COL9A3: variants seen among roughly 807,000 people sequenced by gnomAD.
The protein encoded by COL9A3 is collagen alpha-3(IX) chain.
Under a neutral mutation model 110.2 loss-of-function variants are expected in COL9A3, and 82 were observed. The observed-to-expected ratio is 0.74, with a 90% CI of 0.62 to 0.89. COL9A3 has a LOEUF of 0.89. COL9A3 is among the 40% of genes least tolerant of loss of function. COL9A3 has a pLI of 0.00. For missense variants in COL9A3, 1,066 were observed against 981.3 expected, an observed-to-expected ratio of 1.09 and a Z score of -1.15; for synonymous variants, 494 against 403.8, an observed-to-expected ratio of 1.22 and a Z score of -2.68.
chr20:62,836,172 T>C lies in COL9A3; in HGVS notation c.1402-15T>C, dbSNP rs754189764. ...TGGGCTCGCCCCTGACCCACCTTCCTCTGTTCCTCTGCAGTCTGGCAGTCG... is the reference window on the plus strand; with the variant it reads ...TGGGCTCGCCCCTGACCCACCTTCCCCTGTTCCTCTGCAGTCTGGCAGTCG... On this transcript the variant is annotated splice_polypyrimidine_tract_variant and intron_variant, in intron 27 of 31. Coordinates refer to ENST00000649368, the MANE Select transcript of COL9A3 (RefSeq NM_001853.4). 7 of 1,612,518 alleles carry C rather than the reference T, an allele frequency of 4.3e-6. No homozygotes were observed. The highest frequency in any genetic ancestry group is 5.9e-6 in the Non-Finnish European group (7 of 1,179,794).
At position 62,829,662 on chromosome 20, in the gene COL9A3, C is replaced by G. The variant is rs376007941; in HGVS notation, c.1088C>G (p.Ser363Cys). 1.2e-6 allele frequency: 2 copies of G among 1,609,524 alleles called. No individual in the cohort carries two copies. Among genetic ancestry groups the G allele is most frequent in the African/African-American group, 2.7e-5 (2 of 74,904 alleles). ...GGGGAGCTGGGTGAGGCCGGCCCCT[C>G]TGGAGAGCCAGGCGTCCCTGTGAGT... is the stretch of plus-strand genomic sequence containing the variant. Reference protein sequence around the residue: ...RAGELGEAGPSGEPGVPGDAG... With the variant: ...RAGELGEAGPCGEPGVPGDAG... The change falls in exon 21 of 32, where the codon TCT (serine) becomes TGT (cysteine). Residue 363 changes from serine (S) to cysteine (C), a missense_variant. Transcript: ENST00000649368.
intron 15 of COL9A3, 51 bp downstream of exon 15, chr20:62,826,871 T>C (rs951947489): frequency 6.9e-6 from 11 of 1,591,942 alleles, no homozygotes; most frequent in Non-Finnish European, 9.4e-6. Flanking sequence ...CTCTCTCCCC[T>C]TTCCCTCTGC....
chr20:62,818,108 A>G (rs1429321746), intron 2 of COL9A3, among the ~76,000 whole-genome samples: 2 of 152,090 alleles, frequency 1.3e-5, no homozygotes, highest in Non-Finnish European at 2.9e-5. Flanking sequence ...GGCGGCTGAA[A>G]TTCTACAATT....
chr20:62,816,933 A>G, upstream of COL9A3: 1 of 392,442 alleles, frequency 2.5e-6, no homozygotes, highest in Non-Finnish European at 3.9e-6. Flanking sequence ...CCCCCCGCCC[A>G]GGTGGGCCCG....
chr20:62,826,742 C>G (rs1277593197), intron 14 of COL9A3, 25 bp from the exon 15 acceptor site: 1 of 1,611,712 alleles, frequency 6.2e-7, no homozygotes, highest in Non-Finnish European at 8.5e-7. Context: ...ACAAGAGGAC[C>G]CCGGATCCCC....
intron 5 of COL9A3, 56 bp downstream of exon 5, chr20:62,820,038 A>C (rs1600788804): frequency 6.3e-7 from 1 of 1,582,880 alleles, no homozygotes; most frequent in South Asian, 1.1e-5. Context: ...TCCCCTGGCC[A>C]CCTCTGGCTG....
chr20:62,830,530 G>C lies in COL9A3; in HGVS notation c.1229G>C (p.Ser410Thr). Residue 410 changes from serine (S) to threonine (T), a missense_variant, in exon 24 of 32, where the codon AGC (serine) becomes ACC (threonine). By Grantham distance (58) the Ser-to-Thr change is moderately conservative. Transcript: ENST00000649368. The stretch of plus-strand genomic sequence containing the variant: ...CTCCTTCCCCAGGGCCAGAAGGGCA[G>C]CATGGGAGACCCCGGCCTTCCAGGC... ...GVRGFQGQKG[S>T]MGDPGLPGPQ... 6.2e-7 allele frequency: 1 copy of C among 1,608,764 alleles called. No homozygotes were observed. The highest frequency in any genetic ancestry group is 1.7e-4 in the Middle Eastern group (1 of 6,050).
At chr20:62,822,739 C>T (rs373551562) in intron 10 of COL9A3, 107 bp downstream of exon 10, 195 of 1,241,612 alleles carry the variant, frequency 1.6e-4, no homozygotes, top group South Asian at 4.8e-4. Context: ...AGGCAGGGCC[C>T]GAGCCCTCCC....
rs138630583 is a variant in COL9A3 at position 62,824,511 on chromosome 20, G to C, written c.576+10G>C. 6.3e-7 allele frequency: 1 copy of C among 1,582,676 alleles called. No individual in the cohort carries two copies. Among genetic ancestry groups the C allele is most frequent in the Non-Finnish European group, 8.6e-7 (1 of 1,165,114 alleles). ...AATGCCAGGGTTCAAGGTGAGTCAC[G>C]GGTGACTGGGACCCAAGCACCACCC... On this transcript the variant is annotated intron_variant, in intron 11 of 31. Coordinates refer to ENST00000649368, the MANE Select transcript of COL9A3 (RefSeq NM_001853.4).
At position 62,818,543 on chromosome 20, in the gene COL9A3, C is replaced by A; in HGVS notation, c.173C>A (p.Pro58His). ...IDGEAGPPGL[P>H]GPPGPKGAPG... ...GGAGAAGCTGGTCCTCCAGGTCTGC[C>A]TGGGCCCCCGGTGAGTGTCCCTGGC... The change falls in exon 3 of 32, where the codon CCT (proline) becomes CAT (histidine). Residue 58 changes from proline (P) to histidine (H), a missense_variant. Physicochemically the swap from Pro to His is moderately conservative, Grantham distance 77. Transcript: ENST00000649368. The A allele has an allele frequency of 6.2e-7, 1 of 1,613,098 alleles. No homozygotes were observed.
chr20:62,832,643 GAA>G (rs746417947), intron 25 of COL9A3, among the ~76,000 whole-genome samples: 8 of 116,998 alleles, frequency 6.8e-5, no homozygotes, highest in Non-Finnish European at 1.4e-4. Context: ...CTTCTTTTTG[GAA>G]AAGTGTCAGG....
chr20:62,832,827 C>T, intron 25 of COL9A3, 193 bp from the exon 26 acceptor site: 2 of 457,386 alleles, frequency 4.4e-6, no homozygotes, highest in Non-Finnish European at 7.0e-6. Flanking sequence ...GTTTTTTGGC[C>T]CCGCCCCTGC....
chr20:62,824,878 C>A, intron 11 of COL9A3, 90 bp from the exon 12 acceptor site: 5 of 1,367,650 alleles, frequency 3.7e-6, no homozygotes, highest in Non-Finnish European at 5.1e-6. Context: ...GGGCCCTGGG[C>A]TGACTGACCC....
rs1027547114 is a variant in COL9A3 at position 62,817,570 on chromosome 20, G to A, written c.82G>A (p.Val28Met). The A allele has an allele frequency of 3.9e-6, 6 of 1,544,100 alleles. No individual in the cohort carries two copies. The highest frequency in any genetic ancestry group is 5.3e-6 in the Non-Finnish European group (6 of 1,142,138). Residue 28 changes from valine to methionine, a missense_variant, in exon 2 of 32, where the codon GTG becomes ATG. Val to Met is a conservative substitution (Grantham distance 21). Transcript: ENST00000649368. Reference sequence around the variant, plus strand: ...TAATGAGTTTTCTCCGTTTCAGAGAGTGGGACTCCCCGGCCCCCCCGGCCC... The same window carrying A: ...TAATGAGTTTTCTCCGTTTCAGAGAATGGGACTCCCCGGCCCCCCCGGCCC... ...ELLAAAGAQR[V>M]GLPGPPGPPG...
At position 62,833,087 on chromosome 20, in the gene COL9A3, T is replaced by A. The variant is rs114738716; in HGVS notation, c.1368+23T>A. 7,784 of 1,601,180 alleles carry A rather than the reference T, an allele frequency of 4.9e-3. 298 individuals carry two copies. In the African/African-American group the frequency reaches 0.086, roughly 18 times the overall value. On this transcript the variant is annotated intron_variant, in intron 26 of 31. Transcript: ENST00000649368. The stretch of plus-strand genomic sequence containing the variant: ...CTGGTGAGTAATTAGGTAACCTCAC[T>A]GTTACCAACAGCTGGGAGCGAGGTC...
At chr20:62,838,265 G>C (rs188514438) in intron 30 of COL9A3, among the ~76,000 whole-genome samples, 1 of 152,346 alleles carries the variant, frequency 6.6e-6, no homozygotes, top group Non-Finnish European at 1.5e-5. Context: ...CGCAAGCCCG[G>C]CCTCCTGCAC....
intron 12 of COL9A3, 120 bp from the exon 13 acceptor site, chr20:62,825,697 C>A: frequency 3.0e-6 from 3 of 1,015,198 alleles, no homozygotes; most frequent in Non-Finnish European, 3.0e-6. Flanking sequence ...GCCTCCAAGG[C>A]CCAGCTGTGA....
chr20:62,840,558 C>A lies in COL9A3; in HGVS notation c.1881C>A (p.Pro627=). The A allele has an allele frequency of 6.2e-7, 1 of 1,612,106 alleles. No individual in the cohort carries two copies. Among genetic ancestry groups the A allele is most frequent in the Non-Finnish European group, 8.5e-7 (1 of 1,179,834 alleles). ...DQGPQGPQGV[P]GTSKDGQDGA... is the part of the protein sequence containing the mutation. ...TGTCCCAAGGACCCCAAGGCGTGCC[C>A]GGCACCAGCAAGGACGGCCAGGACG... The change falls in exon 32 of 32, where the codon CCC becomes CCA. Residue 627 remains proline (P), a synonymous_variant. Transcript: ENST00000649368.
At chr20:62,832,105 T>C (rs1204775431) in intron 24 of COL9A3, 49 bp from the exon 25 acceptor site, 1 of 1,582,166 alleles carries the variant, frequency 6.3e-7, no homozygotes, top group Non-Finnish European at 8.7e-7. Flanking sequence ...AGGCTCACTT[T>C]AGGGATTCCT....
Sources: allele counts gnomAD v4.1 joint callset (sites outside exome capture counted in the v4.1 genomes callset), GRCh38; gene constraint gnomAD v4.1.1; transcripts MANE v1.5; gene names NCBI Gene and HGNC (gene_info 2026-07-23, HGNC 2026-07-21).